Variants in PTPRD observed in about 807,000 individuals in gnomAD.
The protein encoded by PTPRD is protein tyrosine phosphatase receptor type D, also known as receptor-type tyrosine-protein phosphatase delta.
PTPRD carries 34 observed loss-of-function variants against 214.5 expected under a neutral mutation model. The ratio of observed to expected loss-of-function variants is 0.16; its 90% CI spans 0.12 to 0.21. The LOEUF (loss-of-function observed/expected upper bound fraction) is 0.21, where lower values mean the gene tolerates loss of function less well. Among genes scored for constraint, PTPRD ranks in the 10% least tolerant of loss-of-function variants. The pLI is 1.00. For synonymous variants in PTPRD, 1,128 were observed against 845.7 expected (o/e 1.33, Z -5.79); for missense variants, 2,545 against 2,398.7 (o/e 1.06, Z -1.27).
chr9:9,478,714 T>G (rs909710000), intron 8 of PTPRD, among the ~76,000 whole-genome samples: 3 of 152,284 alleles, frequency 2.0e-5, no homozygotes, highest in East Asian at 3.9e-4. Flanking sequence ...TTAATTAATC[T>G]TTTTAAAAAT....
At position 9,342,155 on chromosome 9, in the gene PTPRD, T is replaced by G. The variant is rs374240781; in HGVS notation, c.-203+55294A>C. ...TTCAGTAGCATAGAAATGACAGGAA[T>G]ATTGGACAATATCCTTCTTAATAAT... On this transcript the variant is annotated intron_variant, in intron 9 of 45. Coordinates refer to ENST00000381196, the MANE Select transcript of PTPRD (RefSeq NM_002839.4). 5.3e-5 allele frequency among the ~76,000 whole-genome samples: 8 copies of G among 152,154 alleles called. No individual in the cohort carries two copies. The East Asian group carries it at 9.6e-4, about 18-fold the overall frequency.
intron 4 of PTPRD, among the ~76,000 whole-genome samples, chr9:9,946,187 T>C (rs2092528807): frequency 6.9e-6 from 1 of 145,658 alleles, no homozygotes. Context: ...TCTTCTTCAC[T>C]AGATTGCAAG....
chr9:10,177,639 T>C (rs1258267657), intron 3 of PTPRD, among the ~76,000 whole-genome samples: 1 of 151,876 alleles, frequency 6.6e-6, no homozygotes, highest in East Asian at 1.9e-4. Flanking sequence ...TCAACGGGAA[T>C]GAAATTATGT....
intron 36 of PTPRD, among the ~76,000 whole-genome samples, chr9:8,398,647 AT>A (rs1280414657): frequency 6.6e-6 from 1 of 152,198 alleles, no homozygotes; most frequent in Non-Finnish European, 1.5e-5. Flanking sequence ...TAGGATCCTT[AT>A]AAAAAAGCTT....
At chr9:10,554,648 T>A (rs1218747332) in intron 2 of PTPRD, among the ~76,000 whole-genome samples, 1 of 124,576 alleles carries the variant, frequency 8.0e-6, no homozygotes, top group East Asian at 2.1e-4. Flanking sequence ...ATACATTTCT[T>A]TTTTTAATTT....
intron 2 of PTPRD, among the ~76,000 whole-genome samples, chr9:10,420,121 A>G (rs1342470653): frequency 1.3e-5 from 2 of 151,900 alleles, no homozygotes; most frequent in Non-Finnish European, 2.9e-5. Flanking sequence ...GAGTAAAAAG[A>G]GGAGGAAGAA....
chr9:10,069,995 C>A (rs2097967605), intron 3 of PTPRD, among the ~76,000 whole-genome samples: 1 of 151,956 alleles, frequency 6.6e-6, no homozygotes, highest in Non-Finnish European at 1.5e-5. Flanking sequence ...ATTGTTAAAA[C>A]ACATATTCTT....
At chr9:10,047,012 C>T (rs1567297682) in intron 3 of PTPRD, among the ~76,000 whole-genome samples, 2 of 151,766 alleles carry the variant, frequency 1.3e-5, no homozygotes, top group African/African-American at 4.8e-5. Flanking sequence ...ATGCCAAGGA[C>T]ATTTTGTTCC....
intron 2 of PTPRD, among the ~76,000 whole-genome samples, chr9:10,400,144 C>A (rs1314737898): frequency 1.3e-5 from 2 of 151,746 alleles, no homozygotes; most frequent in African/African-American, 4.8e-5. Context: ...GTCTCCTTCA[C>A]TTATGTAGTA....
chr9:8,607,642 C>T (rs62530708), intron 14 of PTPRD, among the ~76,000 whole-genome samples: 14,360 of 151,542 alleles, frequency 0.095, 808 homozygotes, highest in East Asian at 0.17. Flanking sequence ...GATTCTGTCT[C>T]GGAAAAAAAA....
intron 2 of PTPRD, among the ~76,000 whole-genome samples, chr9:10,471,734 G>A (rs2099032346): frequency 6.6e-6 from 1 of 152,020 alleles, no homozygotes. Context: ...AGAAGTCATC[G>A]TTATAGTAAT....
At chr9:9,938,839 A>G (rs976248354) in intron 4 of PTPRD, among the ~76,000 whole-genome samples, 1 of 152,094 alleles carries the variant, frequency 6.6e-6, no homozygotes, top group African/African-American at 2.4e-5. Flanking sequence ...AATCTTCCTT[A>G]TAAAAGGTTA....
chr9:9,984,266 T>G (rs866959997), intron 4 of PTPRD, among the ~76,000 whole-genome samples: 3 of 152,134 alleles, frequency 2.0e-5, no homozygotes, highest in African/African-American at 4.8e-5. Flanking sequence ...AATACAAAAA[T>G]TATTAAATCA....
At chr9:9,981,448 G>C (rs2095540730) in intron 4 of PTPRD, among the ~76,000 whole-genome samples, 1 of 150,762 alleles carries the variant, frequency 6.6e-6, no homozygotes, top group Non-Finnish European at 1.5e-5. Context: ...TCCACCTCCA[G>C]GGTTCAAGCC....
intron 11 of PTPRD, among the ~76,000 whole-genome samples, chr9:8,928,629 C>T (rs777935060): frequency 5.9e-5 from 9 of 151,896 alleles, no homozygotes; most frequent in African/African-American, 1.7e-4. Flanking sequence ...TAGCATGATG[C>T]CTCTGGCTTT....
intron 11 of PTPRD, among the ~76,000 whole-genome samples, chr9:8,742,510 T>C (rs1458024395): frequency 1.3e-5 from 2 of 152,206 alleles, no homozygotes; most frequent in African/African-American, 4.8e-5. Context: ...GTAAAATACA[T>C]TTACTTTTCA....
chr9:9,517,097 ACT>A (rs1371197741), intron 8 of PTPRD, among the ~76,000 whole-genome samples: 1 of 152,100 alleles, frequency 6.6e-6, no homozygotes, highest in Non-Finnish European at 1.5e-5. Flanking sequence ...AGATATTAAC[ACT>A]AATTTTAAAA....
At chr9:10,369,238 A>G (rs1354136287) in intron 2 of PTPRD, among the ~76,000 whole-genome samples, 2 of 152,086 alleles carry the variant, frequency 1.3e-5, no homozygotes, top group Admixed American at 6.6e-5. Flanking sequence ...ATACTTTCTA[A>G]AATTCTTAGC....
Position 9,544,840 on chromosome 9 carries a change from T to C in PTPRD, c.-237+29892A>G, listed in dbSNP as rs915898357. Among the ~76,000 whole-genome samples, 4 of 151,716 alleles carry C rather than the reference T, an allele frequency of 2.6e-5. No individual in the cohort carries two copies. The East Asian group carries it at 7.7e-4, about 29-fold the overall frequency. ...TTAGAATTTTATTATAGTTCAACTA[T>C]AATAGTGAATTAAAAAGTAGGAAAT... On this transcript the variant is annotated intron_variant, in intron 8 of 45. Transcript: ENST00000381196.
Sources: allele counts gnomAD v4.1 joint callset (sites outside exome capture counted in the v4.1 genomes callset), GRCh38; gene constraint gnomAD v4.1.1; transcripts MANE v1.5; gene names NCBI Gene and HGNC (gene_info 2026-07-23, HGNC 2026-07-21).